The following UMAD1 variants were observed in gnomAD, a reference collection of about 807,000 sequenced individuals.
The protein encoded by UMAD1 is UBAP1-MVB12-associated (UMA)-domain containing protein 1.
A neutral mutation model predicts 6.1 loss-of-function variants in UMAD1; 8 were observed. That is an observed-to-expected ratio of 1.30 (90% confidence interval 0.76 to 2.35). UMAD1 has a LOEUF of 2.35. Ranked by LOEUF, UMAD1 falls within the 30% of genes most tolerant of loss-of-function variation. The pLI is 0.00. For missense variants in UMAD1, 130 were observed against 78.4 expected (o/e 1.66, Z -2.49); for synonymous variants, 56 against 31.4 (o/e 1.78, Z -2.61).
chr7:7,736,763 C>T (rs1375834563), intron 2 of UMAD1: 1 of 152,236 alleles, frequency 6.6e-6, no homozygotes, highest in Non-Finnish European at 1.5e-5. Context: ...ACTCATTGGT[C>T]CATGTTGAGA....
chr7:7,775,830 A>G (rs570847786), intron 2 of UMAD1, among the ~76,000 whole-genome samples: 2 of 152,328 alleles, frequency 1.3e-5, no homozygotes, highest in East Asian at 1.9e-4. Flanking sequence ...AAAATATACT[A>G]TGTGATTCCA....
chr7:7,698,606 A>T (rs571424159), intron 2 of UMAD1, among the ~76,000 whole-genome samples: 2 of 152,078 alleles, frequency 1.3e-5, no homozygotes, highest in South Asian at 4.1e-4. Context: ...TAGGCAGTTG[A>T]TTCCACAGTT....
chr7:7,693,696 C>T (rs903513052), intron 2 of UMAD1, among the ~76,000 whole-genome samples: 8 of 151,974 alleles, frequency 5.3e-5, no homozygotes, highest in African/African-American at 1.9e-4. Flanking sequence ...TTTATAATGA[C>T]TTTATTACAA....
intron 2 of UMAD1, among the ~76,000 whole-genome samples, chr7:7,675,438 A>G (rs373590245): frequency 6.6e-6 from 1 of 152,072 alleles, no homozygotes; most frequent in South Asian, 2.1e-4. Context: ...GAGACATTCC[A>G]TTGCATGTCT....
chr7:7,694,523 C>T (rs1780260404), intron 2 of UMAD1, among the ~76,000 whole-genome samples: 1 of 151,976 alleles, frequency 6.6e-6, no homozygotes, highest in African/African-American at 2.4e-5. Flanking sequence ...CTCCATTCCC[C>T]ACCCCACCCC....
chr7:7,874,215 T>C (rs976077042), intron 3 of UMAD1, among the ~76,000 whole-genome samples: 1 of 152,226 alleles, frequency 6.6e-6, no homozygotes, highest in African/African-American at 2.4e-5. Context: ...CCTTAAAGTC[T>C]ATCCAAAATC....
chr7:7,765,890 T>G (rs79763925), intron 2 of UMAD1, among the ~76,000 whole-genome samples: 8,226 of 152,272 alleles, frequency 0.054, 476 homozygotes, highest in African/African-American at 0.14. Context: ...TTCCCTCTAT[T>G]TAGTATCTGA....
chr7:7,801,533 T>G (rs1030583022), intron 2 of UMAD1, 137 bp from the exon 3 acceptor site: 11 of 589,198 alleles, frequency 1.9e-5, no homozygotes, highest in Admixed American at 3.2e-5. Context: ...GCTTGTTTAC[T>G]TTGAAACAAG....
intron 3 of UMAD1, among the ~76,000 whole-genome samples, chr7:7,818,818 G>A (rs1783182056): frequency 6.6e-6 from 1 of 152,132 alleles, no homozygotes; most frequent in African/African-American, 2.4e-5. Flanking sequence ...TGTATTTTTT[G>A]TAGAGACAGG....
intron 2 of UMAD1, among the ~76,000 whole-genome samples, chr7:7,677,766 C>T (rs1243276174): frequency 1.4e-5 from 2 of 147,398 alleles, no homozygotes; most frequent in Non-Finnish European, 3.0e-5. Context: ...CTCTGCCTCC[C>T]AGGTTCACGC....
chr7:7,749,810 A>G lies in UMAD1; in HGVS notation c.83-51860A>G, dbSNP rs532618600. 6.5e-3 allele frequency among the ~76,000 whole-genome samples: 983 copies of G among 152,298 alleles called. 8 individuals carry two copies. The highest frequency in any genetic ancestry group is 0.022 in the African/African-American group (935 of 41,566). On this transcript the variant is annotated intron_variant, in intron 2 of 3. Transcript: ENST00000682710. Reference sequence around the variant, plus strand: ...TTACACAGAAAACGTCTAAGATAAGAGTATTATTTTCCAGGATAGTTTATC... The same window carrying G: ...TTACACAGAAAACGTCTAAGATAAGGGTATTATTTTCCAGGATAGTTTATC...
At chr7:7,859,396 G>A (rs1465186689) in intron 3 of UMAD1, among the ~76,000 whole-genome samples, 1 of 152,112 alleles carries the variant, frequency 6.6e-6, no homozygotes, top group East Asian at 1.9e-4. Flanking sequence ...CATTATATGA[G>A]TCCTTCACAT....
At chr7:7,796,244 C>CTTTTTTTTTGTTTTTTTTTTTTTTTTTT (rs1782675802) in intron 2 of UMAD1, among the ~76,000 whole-genome samples, 1 of 63,978 alleles carries the variant, frequency 1.6e-5, no homozygotes, top group African/African-American at 9.8e-5. Flanking sequence ...TATTTTCTTT[C>CTTTTTTTTTGTTTTTTTTTTTTTTTTTT]TTTTTTTTTT....
intron 2 of UMAD1, among the ~76,000 whole-genome samples, chr7:7,704,035 C>A (rs1780532352): frequency 6.6e-6 from 1 of 152,110 alleles, no homozygotes; most frequent in Non-Finnish European, 1.5e-5. Context: ...CAACAGTTCT[C>A]AAGGAGATAC....
intron 3 of UMAD1, among the ~76,000 whole-genome samples, chr7:7,831,622 G>A (rs147203454): frequency 6.6e-6 from 1 of 152,278 alleles, no homozygotes; most frequent in East Asian, 1.9e-4. Context: ...AGTCAGCGTT[G>A]AGAGCCCGGA....
intron 2 of UMAD1, among the ~76,000 whole-genome samples, chr7:7,765,273 G>A (rs996978636): frequency 6.6e-6 from 1 of 151,764 alleles, no homozygotes; most frequent in Non-Finnish European, 1.5e-5. Context: ...TTTTAACCTC[G>A]CCTTGAGATC....
At chr7:7,760,089 T>G (rs1452034869) in intron 2 of UMAD1, among the ~76,000 whole-genome samples, 2 of 152,112 alleles carry the variant, frequency 1.3e-5, no homozygotes, top group East Asian at 3.9e-4. Context: ...GAACACTTGC[T>G]CTTGGAGCCC....
At chr7:7,728,360 C>G (rs1224640106) in intron 2 of UMAD1, among the ~76,000 whole-genome samples, 8 of 152,088 alleles carry the variant, frequency 5.3e-5, no homozygotes, top group Non-Finnish European at 4.4e-5. Context: ...TAAAACCTAT[C>G]TCAGGCCGGG....
At chr7:7,644,021 A>G (rs1785038499) in intron 1 of UMAD1, among the ~76,000 whole-genome samples, 1 of 152,158 alleles carries the variant, frequency 6.6e-6, no homozygotes, top group Non-Finnish European at 1.5e-5. Flanking sequence ...TAGTAAAAAA[A>G]TGATTTCCCC....
Sources: gnomAD v4.1 joint callset for allele counts (sites outside exome capture counted in the v4.1 genomes callset) on GRCh38, gnomAD v4.1.1 for gene constraint, MANE v1.5 for transcripts, NCBI Gene and HGNC (gene_info 2026-07-23, HGNC 2026-07-21) for gene names.